The following TRIM37 variants were observed in gnomAD, a reference collection of about 807,000 sequenced individuals.
TRIM37 encodes E3 ubiquitin-protein ligase TRIM37.
A neutral mutation model predicts 129.8 loss-of-function variants in TRIM37; 80 were observed. The observed-to-expected ratio is 0.62, with a 90% CI of 0.51 to 0.74. TRIM37 has a LOEUF of 0.74. Among genes scored for constraint, TRIM37 ranks in the 30% least tolerant of loss-of-function variants. TRIM37 has a pLI of 0.00. For synonymous variants in TRIM37, 389 were observed against 387.1 expected, an observed-to-expected ratio of 1.00 and a Z score of -0.06; for missense variants, 1,054 against 1,176.5, an observed-to-expected ratio of 0.90 and a Z score of 1.52.
intron 17 of TRIM37, among the ~76,000 whole-genome samples, chr17:59,035,011 C>T (rs1227886153): frequency 1.3e-5 from 2 of 152,120 alleles, no homozygotes; most frequent in African/African-American, 4.8e-5. Context: ...TCATGAGATT[C>T]ATCTATATGG....
In TRIM37 at chr17:59,106,772, G is replaced by A; in HGVS notation, c.-311C>T. The A allele has an allele frequency of 3.6e-6, 2 of 554,630 alleles. No homozygotes were observed. Among genetic ancestry groups the A allele is most frequent in the Middle Eastern group, 4.8e-4 (1 of 2,076 alleles). 34.4% of individuals were successfully genotyped at this position (554,630 alleles called of 1,614,324 possible). A position where few individuals can be genotyped will look rare whatever the true frequency, so the allele number is the denominator to read the frequency against. ...GAACCTCGGCCCACGTGACGCGGGC[G>A]CGCGCCTATGGAACTGACGGTGGAG... On this transcript the variant is annotated 5_prime_UTR_variant, in exon 1 of 24. Coordinates refer to ENST00000262294, the MANE Select transcript of TRIM37 (RefSeq NM_015294.6).
intron 12 of TRIM37, among the ~76,000 whole-genome samples, chr17:59,058,025 T>C: frequency 6.6e-6 from 1 of 152,312 alleles, no homozygotes; most frequent in Non-Finnish European, 1.5e-5. Flanking sequence ...TGTTTCCTCA[T>C]AAATATTGTT....
At chr17:59,005,587 T>C (rs575496830) in intron 22 of TRIM37, among the ~76,000 whole-genome samples, 2 of 152,248 alleles carry the variant, frequency 1.3e-5, no homozygotes, top group East Asian at 1.9e-4. Flanking sequence ...CCAGCCTACA[T>C]GTGTATCTTT....
chr17:59,047,248 G>A (rs1484728459), intron 16 of TRIM37, among the ~76,000 whole-genome samples: 2 of 151,920 alleles, frequency 1.3e-5, no homozygotes, highest in South Asian at 2.1e-4. Context: ...GGACATTACT[G>A]GCAAATTTTT....
intron 19 of TRIM37, among the ~76,000 whole-genome samples, chr17:59,025,195 A>G (rs1463183149): frequency 6.6e-6 from 1 of 152,124 alleles, no homozygotes; most frequent in Non-Finnish European, 1.5e-5. Flanking sequence ...ATTTGGGGAA[A>G]AACATCATTC....
At chr17:58,968,140 G>A in the TRIM37 span, among the ~76,000 whole-genome samples, 74 of 152,156 alleles carry the variant, frequency 4.9e-4, no homozygotes, top group Middle Eastern at 6.8e-3. Context: ...CGTCCTTCAT[G>A]TCATTAAAGT....
chr17:58,970,582 A>G, the TRIM37 span, among the ~76,000 whole-genome samples: 1 of 152,228 alleles, frequency 6.6e-6, no homozygotes. Context: ...TAGCATAGTT[A>G]TGCTACAAGC....
chr17:58,968,026 T>C, the TRIM37 span, among the ~76,000 whole-genome samples: 8 of 152,014 alleles, frequency 5.3e-5, no homozygotes, highest in Non-Finnish European at 1.2e-4. Flanking sequence ...ATGGTCTTGA[T>C]CTCTTGACCT....
rs905797064 is a variant in TRIM37 at position 59,091,483 on chromosome 17, TATATA to T, written c.124-148_124-144del. On this transcript the variant is annotated intron_variant, in intron 2 of 23. Coordinates refer to ENST00000262294, the MANE Select transcript of TRIM37 (RefSeq NM_015294.6). ...AATATATAATATTCATAATATATAA[TATATA>T]ATATATTATTATATAACATATCATA... 2,200 of 154,494 alleles carry T rather than the reference TATATA, an allele frequency of 0.014. 36 individuals are homozygous for T. The highest frequency in any genetic ancestry group is 0.037 in the East Asian group (199 of 5,338). The allele number at this position is 154,494 out of a possible 1,614,324, so 9.6% of individuals were successfully genotyped here.
chr17:59,038,749 C>G (rs890523107), intron 17 of TRIM37, among the ~76,000 whole-genome samples: 5 of 152,120 alleles, frequency 3.3e-5, no homozygotes, highest in Admixed American at 6.6e-5. Flanking sequence ...TCAGTAAGAC[C>G]TAATGCCATA....
chr17:59,025,589 C>A (rs1415082188), intron 19 of TRIM37, among the ~76,000 whole-genome samples: 2 of 151,948 alleles, frequency 1.3e-5, no homozygotes, highest in African/African-American at 4.8e-5. Flanking sequence ...TACTAAAATC[C>A]TCGACTGAAG....
At chr17:59,036,003 C>T (rs1441312582) in intron 17 of TRIM37, among the ~76,000 whole-genome samples, 1 of 152,170 alleles carries the variant, frequency 6.6e-6, no homozygotes, top group East Asian at 1.9e-4. Flanking sequence ...GAATATTCTA[C>T]ATTTTCACAT....
chr17:58,985,871 A>G (rs537881313), intron 24 of TRIM37, among the ~76,000 whole-genome samples: 39 of 152,138 alleles, frequency 2.6e-4, no homozygotes, highest in African/African-American at 6.5e-4. Flanking sequence ...AACAATTGAG[A>G]AAAAAAAGGT....
chr17:58,992,303 A>T (rs539271025), intron 24 of TRIM37, among the ~76,000 whole-genome samples: 34 of 130,076 alleles, frequency 2.6e-4, no homozygotes, highest in African/African-American at 9.0e-4. Flanking sequence ...ATATTTATAT[A>T]TATATAAATA....
rs549535679 is a variant in TRIM37 at position 59,102,263 on chromosome 17, T to C, written c.123+2030A>G. On this transcript the variant is annotated intron_variant, in intron 2 of 23. Coordinates refer to ENST00000262294, the MANE Select transcript of TRIM37 (RefSeq NM_015294.6). ...AGATCTTAGGAAATTAAGAAATAAA[T>C]GCATTTAAGGGGCAGGAGGAAGAAG... 2.8e-4 allele frequency among the ~76,000 whole-genome samples: 42 copies of C among 152,122 alleles called. No individual in the cohort carries two copies. In the South Asian group the frequency reaches 7.3e-3, roughly 26 times the overall value.
chr17:59,034,648 T>C (rs1365931962), intron 17 of TRIM37, among the ~76,000 whole-genome samples: 1 of 151,980 alleles, frequency 6.6e-6, no homozygotes, highest in Non-Finnish European at 1.5e-5. Context: ...GCAGGAGCCA[T>C]GGTGCCCGGC....
downstream of TRIM37, among the ~76,000 whole-genome samples, chr17:58,994,653 A>T (rs187671138): frequency 7.5e-4 from 115 of 152,330 alleles, 1 homozygote; most frequent in Non-Finnish European, 1.5e-3. Flanking sequence ...TATATAGGGG[A>T]CTTGAGCATC....
chr17:59,036,447 G>GGGGTGTGTGT (rs1555656622), intron 17 of TRIM37, among the ~76,000 whole-genome samples: 2 of 140,582 alleles, frequency 1.4e-5, no homozygotes, highest in African/African-American at 5.5e-5. Flanking sequence ...ATTTGCTGGG[G>GGGGTGTGTGT]GTGTGTGTGT....
intron 13 of TRIM37, among the ~76,000 whole-genome samples, 162 bp from the exon 14 acceptor site, chr17:59,051,490 T>C (rs2040341579): frequency 6.6e-6 from 1 of 152,234 alleles, no homozygotes; most frequent in African/African-American, 2.4e-5. Context: ...CCACAGATTA[T>C]GACACAAGGT....
Sources: gnomAD v4.1 joint callset for allele counts (sites outside exome capture counted in the v4.1 genomes callset) on GRCh38, gnomAD v4.1.1 for gene constraint, MANE v1.5 for transcripts, NCBI Gene and HGNC (gene_info 2026-07-23, HGNC 2026-07-21) for gene names.